The following SMAP1 variants were observed in gnomAD, a reference collection of about 807,000 sequenced individuals.
SMAP1 encodes the protein small ArfGAP 1, also known as stromal membrane-associated protein 1.
SMAP1 carries 24 observed loss-of-function variants against 58.5 expected under a neutral mutation model. The observed-to-expected ratio is 0.41, with a 90% CI of 0.30 to 0.58. SMAP1 has a LOEUF of 0.58. SMAP1 is among the 20% of genes least tolerant of loss of function. SMAP1 has a pLI of 0.29. For synonymous variants in SMAP1, 216 were observed against 196.6 expected (o/e 1.10, Z -0.82); for missense variants, 563 against 566.3 (o/e 0.99, Z 0.06).
Position 70,769,446 on chromosome 6 carries a change from T to C in SMAP1, c.339-3904T>C, listed in dbSNP as rs575481139. ...TGAATCTGGGTGCTCCTGTATTGGGTGCATATATATTTAGGATAGTTAGCT... is the reference window on the plus strand; with the variant it reads ...TGAATCTGGGTGCTCCTGTATTGGGCGCATATATATTTAGGATAGTTAGCT... On this transcript the variant is annotated intron_variant, in intron 3 of 10. Transcript: ENST00000370455. 3.3e-5 allele frequency among the ~76,000 whole-genome samples: 5 copies of C among 152,318 alleles called. No homozygotes were observed. The South Asian group carries it at 8.3e-4, about 25-fold the overall frequency.
At chr6:70,824,335 G>A (rs1035748321) in intron 6 of SMAP1, among the ~76,000 whole-genome samples, 19 of 151,964 alleles carry the variant, frequency 1.3e-4, no homozygotes, top group African/African-American at 2.9e-4. Flanking sequence ...TTATTTTACC[G>A]ATCAAAAGCT....
chr6:70,756,422 C>G (rs1582121768), intron 3 of SMAP1, among the ~76,000 whole-genome samples: 1 of 152,050 alleles, frequency 6.6e-6, no homozygotes, highest in East Asian at 1.9e-4. Flanking sequence ...GTTCGCCCCA[C>G]TCCTTTCTCA....
chr6:70,724,320 C>T (rs1768669351), intron 1 of SMAP1, among the ~76,000 whole-genome samples: 1 of 152,038 alleles, frequency 6.6e-6, no homozygotes, highest in Non-Finnish European at 1.5e-5. Flanking sequence ...CCTCAGCCTC[C>T]CAAGTAGCTG....
chr6:70,754,474 A>C (rs1357501042), intron 2 of SMAP1, among the ~76,000 whole-genome samples: 1 of 152,064 alleles, frequency 6.6e-6, no homozygotes, highest in African/African-American at 2.4e-5. Flanking sequence ...ATTATTAATA[A>C]CTCAAAAGAA....
intron 8 of SMAP1, 145 bp downstream of exon 8, chr6:70,852,809 G>A (rs1460036445): frequency 1.0e-6 from 1 of 971,488 alleles, no homozygotes; most frequent in East Asian, 2.9e-5. Flanking sequence ...AGCAAACTAA[G>A]CCAGCAGCTT....
intron 7 of SMAP1, among the ~76,000 whole-genome samples, chr6:70,848,089 C>T (rs1259934082): frequency 1.3e-5 from 2 of 152,092 alleles, no homozygotes; most frequent in Non-Finnish European, 2.9e-5. Context: ...GATTTTGTGG[C>T]CTCTGAGCTT....
intron 4 of SMAP1, among the ~76,000 whole-genome samples, chr6:70,788,669 A>G (rs1158549439): frequency 6.6e-6 from 1 of 152,170 alleles, no homozygotes; most frequent in Admixed American, 6.5e-5. Flanking sequence ...AGTTCAGAGA[A>G]GCAGACTAGA....
At chr6:70,744,255 C>T (rs139654326) in intron 2 of SMAP1, among the ~76,000 whole-genome samples, 3 of 151,520 alleles carry the variant, frequency 2.0e-5, no homozygotes, top group East Asian at 3.9e-4. Flanking sequence ...ACATGTGCCA[C>T]GTTGGTTTGC....
chr6:70,779,132 T>C (rs1767659750), intron 4 of SMAP1, among the ~76,000 whole-genome samples: 1 of 152,214 alleles, frequency 6.6e-6, no homozygotes, highest in African/African-American at 2.4e-5. Flanking sequence ...ATGCTTCAGC[T>C]CCTTATATCC....
At chr6:70,752,455 A>ATGC (rs1352274144) in intron 2 of SMAP1, among the ~76,000 whole-genome samples, 2 of 152,202 alleles carry the variant, frequency 1.3e-5, no homozygotes, top group African/African-American at 4.8e-5. Context: ...TAGGATAATA[A>ATGC]TGCCTGTCTC....
At chr6:70,777,820 T>G (rs1767606812) in intron 4 of SMAP1, among the ~76,000 whole-genome samples, 3 of 151,878 alleles carry the variant, frequency 2.0e-5, no homozygotes, top group Non-Finnish European at 4.4e-5. Flanking sequence ...TGGTGCAATC[T>G]CAGCTCCCTG....
chr6:70,683,014 G>A (rs1232875587), intron 1 of SMAP1, among the ~76,000 whole-genome samples: 6 of 151,972 alleles, frequency 3.9e-5, no homozygotes, highest in Non-Finnish European at 7.4e-5. Context: ...CTCCAACCTG[G>A]CGACAGAGTG....
intron 5 of SMAP1, among the ~76,000 whole-genome samples, chr6:70,793,138 G>T (rs1421679292): frequency 6.6e-6 from 1 of 151,984 alleles, no homozygotes; most frequent in Non-Finnish European, 1.5e-5. Context: ...GGGTTCAAGC[G>T]ACTCTCCTGC....
intron 4 of SMAP1, among the ~76,000 whole-genome samples, chr6:70,779,169 C>A (rs546009609): frequency 9.2e-5 from 14 of 152,374 alleles, no homozygotes; most frequent in Non-Finnish European, 1.8e-4. Context: ...ATGTGCAAGA[C>A]TGCCTCTTCT....
intron 10 of SMAP1, chr6:70,859,216 A>C: frequency 1.5e-6 from 1 of 670,436 alleles, no homozygotes; most frequent in Non-Finnish European, 2.5e-6. Context: ...TGGGAATCTA[A>C]AAAATTGTAT....
intron 4 of SMAP1, among the ~76,000 whole-genome samples, chr6:70,785,794 A>G (rs987102962): frequency 5.9e-5 from 9 of 152,244 alleles, no homozygotes; most frequent in Admixed American, 3.9e-4. Context: ...AGGCTCTGAA[A>G]TTGTGGCAAT....
At chr6:70,827,429 T>G (rs1194833820) in intron 6 of SMAP1, among the ~76,000 whole-genome samples, 2 of 152,222 alleles carry the variant, frequency 1.3e-5, no homozygotes, top group African/African-American at 4.8e-5. Context: ...CTGGTATGAA[T>G]TAATGGTCTT....
intron 7 of SMAP1, among the ~76,000 whole-genome samples, chr6:70,845,013 T>TA (rs1770935481): frequency 6.6e-6 from 1 of 152,190 alleles, no homozygotes; most frequent in Non-Finnish European, 1.5e-5. Flanking sequence ...CTTCACTAGT[T>TA]ATGGAAGAAG....
chr6:70,770,403 C>G (rs961805567), intron 3 of SMAP1, among the ~76,000 whole-genome samples: 4 of 152,164 alleles, frequency 2.6e-5, no homozygotes, highest in African/African-American at 7.2e-5. Flanking sequence ...ACATAGATTT[C>G]GTCTTTTCAC....
Sources: gnomAD v4.1 joint callset for allele counts (sites outside exome capture counted in the v4.1 genomes callset) on GRCh38, gnomAD v4.1.1 for gene constraint, MANE v1.5 for transcripts, NCBI Gene and HGNC (gene_info 2026-07-23, HGNC 2026-07-21) for gene names.